Variants in ZNF385B observed in about 807,000 individuals in gnomAD.
The protein encoded by ZNF385B is zinc finger protein 533.
A neutral mutation model predicts 39.2 loss-of-function variants in ZNF385B; 23 were observed. The observed-to-expected ratio is 0.59, with a 90% CI of 0.42 to 0.83. The LOEUF is 0.83. Among genes scored for constraint, ZNF385B ranks in the 40% least tolerant of loss-of-function variants. The probability of loss-of-function intolerance (pLI) is 0.00; values close to 1 mark genes in which losing one functional copy is unlikely to be tolerated. For synonymous variants in ZNF385B, 205 were observed against 222.6 expected (o/e 0.92, Z 0.70); for missense variants, 552 against 598.9 (o/e 0.92, Z 0.82).
intron 3 of ZNF385B, among the ~76,000 whole-genome samples, chr2:179,720,134 T>C (rs1700588369): frequency 6.6e-6 from 1 of 152,104 alleles, no homozygotes; most frequent in Non-Finnish European, 1.5e-5. Context: ...GCGACGGTCA[T>C]CTCATGCAAA....
intron 3 of ZNF385B, among the ~76,000 whole-genome samples, chr2:179,727,045 T>C (rs1701066672): frequency 6.6e-6 from 1 of 151,974 alleles, no homozygotes; most frequent in Non-Finnish European, 1.5e-5. Flanking sequence ...GTGGTGCAAG[T>C]AGAGTTCCGT....
intron 3 of ZNF385B, among the ~76,000 whole-genome samples, chr2:179,553,550 T>A (rs1360203781): frequency 2.0e-5 from 3 of 148,932 alleles, no homozygotes; most frequent in African/African-American, 7.6e-5. Flanking sequence ...TATATTATTA[T>A]TCCCATTTTA....
chr2:179,847,379 C>T (rs1338625214), intron 1 of ZNF385B, among the ~76,000 whole-genome samples: 1 of 152,176 alleles, frequency 6.6e-6, no homozygotes, highest in Admixed American at 6.5e-5. Context: ...TTTTCCATGT[C>T]TATATAGTTC....
chr2:179,662,873 G>GTT (rs141542418), intron 3 of ZNF385B, among the ~76,000 whole-genome samples: 1 of 151,260 alleles, frequency 6.6e-6, no homozygotes, highest in Non-Finnish European at 1.5e-5. Flanking sequence ...TTCAATTTTT[G>GTT]TTTTTTATTA....
chr2:179,589,784 C>T (rs894863458), intron 3 of ZNF385B, among the ~76,000 whole-genome samples: 51 of 152,142 alleles, frequency 3.4e-4, no homozygotes, highest in South Asian at 2.1e-4. Context: ...TGTGAAAAGT[C>T]CCACTGTGCA....
At chr2:179,599,850 C>A (rs1056769458) in intron 3 of ZNF385B, among the ~76,000 whole-genome samples, 1 of 152,146 alleles carries the variant, frequency 6.6e-6, no homozygotes, top group Non-Finnish European at 1.5e-5. Flanking sequence ...AAGTATATAT[C>A]AGTGATTCAG....
rs563135935 is a variant in ZNF385B at position 179,486,777 on chromosome 2, A to G, written c.553-3343T>C. On this transcript the variant is annotated intron_variant, in intron 5 of 9. Transcript: ENST00000410066. ...CAAAATTCAAAAAAATTAGCTGAAC[A>G]TGATGGCACATGCCTGTAGTCCCAA... 3.3e-5 allele frequency among the ~76,000 whole-genome samples: 5 copies of G among 152,202 alleles called. No homozygotes were observed. The South Asian group carries it at 6.2e-4, about 19-fold the overall frequency.
At chr2:179,808,475 TGTA>T (rs1316963876) in intron 1 of ZNF385B, among the ~76,000 whole-genome samples, 3 of 152,180 alleles carry the variant, frequency 2.0e-5, no homozygotes, top group Non-Finnish European at 4.4e-5. Context: ...GTAGCTGTAA[TGTA>T]GTGCTGGCCT....
chr2:179,491,730 ACT>A (rs1244900423), intron 5 of ZNF385B, among the ~76,000 whole-genome samples: 2 of 152,064 alleles, frequency 1.3e-5, no homozygotes, highest in Non-Finnish European at 2.9e-5. Context: ...ACAGGGTCTC[ACT>A]CTGTTACCCA....
intron 5 of ZNF385B, among the ~76,000 whole-genome samples, chr2:179,488,831 A>C (rs2054898909): frequency 6.6e-6 from 1 of 152,232 alleles, no homozygotes; most frequent in Non-Finnish European, 1.5e-5. Flanking sequence ...ATGAGCGACC[A>C]TAAAACAGGC....
chr2:179,667,080 C>A (rs1695258044), intron 3 of ZNF385B, among the ~76,000 whole-genome samples: 2 of 152,052 alleles, frequency 1.3e-5, no homozygotes, highest in Admixed American at 6.6e-5. Context: ...GGTTTGGTGG[C>A]ATAATACAAT....
At chr2:179,669,294 C>G (rs1299238545) in intron 3 of ZNF385B, among the ~76,000 whole-genome samples, 1 of 152,184 alleles carries the variant, frequency 6.6e-6, no homozygotes, top group Non-Finnish European at 1.5e-5. Context: ...ACAGACTGTC[C>G]ATCCTCTGTA....
intron 3 of ZNF385B, among the ~76,000 whole-genome samples, chr2:179,666,298 C>G (rs1165055686): frequency 6.6e-6 from 1 of 152,110 alleles, no homozygotes; most frequent in African/African-American, 2.4e-5. Flanking sequence ...GAAGTCAAAA[C>G]TGCTGAAATA....
At chr2:179,834,653 T>C (rs6433811) in intron 1 of ZNF385B, among the ~76,000 whole-genome samples, 3 of 151,958 alleles carry the variant, frequency 2.0e-5, no homozygotes, top group East Asian at 1.9e-4. Flanking sequence ...TCTGGAAAGA[T>C]GCACCTGTGG....
At chr2:179,594,067 A>G (rs368691877) in intron 3 of ZNF385B, among the ~76,000 whole-genome samples, 2 of 152,348 alleles carry the variant, frequency 1.3e-5, no homozygotes, top group East Asian at 3.9e-4. Flanking sequence ...ACAGAAGACC[A>G]AGGAAAGCAA....
intron 3 of ZNF385B, among the ~76,000 whole-genome samples, chr2:179,647,988 T>G: frequency 6.6e-6 from 1 of 150,940 alleles, no homozygotes; most frequent in Non-Finnish European, 1.5e-5. Context: ...AAAAGGGGGG[T>G]CAGAACAGAA....
In ZNF385B at chr2:179,453,460, G is replaced by A. The variant is rs544459373; in HGVS notation, c.716-6690C>T. 1.4e-4 allele frequency among the ~76,000 whole-genome samples: 22 copies of A among 152,212 alleles called. 1 individual carries two copies. The East Asian group carries it at 3.5e-3, about 24-fold the overall frequency. On this transcript the variant is annotated intron_variant, in intron 6 of 9. Coordinates refer to ENST00000410066, the MANE Select transcript of ZNF385B (RefSeq NM_152520.6). ...TCTGAAGATGGGAGGACTCACTAGA[G>A]TCATGAATTTCTGGTCTGGTTGGGA...
intron 2 of ZNF385B, 124 bp from the exon 3 acceptor site, chr2:179,769,926 CT>C: frequency 1.1e-6 from 1 of 876,816 alleles, no homozygotes. Flanking sequence ...GTGGTTACTA[CT>C]AGAAAAAAAA....
At chr2:179,700,058 A>C (rs899939532) in intron 3 of ZNF385B, among the ~76,000 whole-genome samples, 1 of 148,576 alleles carries the variant, frequency 6.7e-6, no homozygotes, top group Admixed American at 6.7e-5. Flanking sequence ...CAAACAGAAA[A>C]ACACACACAC....
Sources: allele counts gnomAD v4.1 joint callset (sites outside exome capture counted in the v4.1 genomes callset), GRCh38; gene constraint gnomAD v4.1.1; transcripts MANE v1.5; gene names NCBI Gene and HGNC (gene_info 2026-07-23, HGNC 2026-07-21).